SLC9A2: variants seen among roughly 807,000 people sequenced by gnomAD.
The protein encoded by SLC9A2 is solute carrier family 9 member A2.
A neutral mutation model predicts 71.7 loss-of-function variants in SLC9A2; 42 were observed. The observed-to-expected ratio is 0.59, with a 90% confidence interval of 0.46 to 0.76. The LOEUF (loss-of-function observed/expected upper bound fraction) is 0.76. Ranked by LOEUF, SLC9A2 falls within the 30% of genes least tolerant of loss-of-function variation. The pLI is 0.00. For synonymous variants in SLC9A2, 396 were observed against 392.5 expected (o/e 1.01, Z -0.10); for missense variants, 829 against 1,017.4 (o/e 0.81, Z 2.52).
intron 5 of SLC9A2, among the ~76,000 whole-genome samples, chr2:102,685,197 G>A (rs548090708): frequency 1.3e-5 from 2 of 152,320 alleles, no homozygotes; most frequent in South Asian, 4.1e-4. Flanking sequence ...AACATCCCAG[G>A]CAAATGGGCT....
In SLC9A2 at chr2:102,685,707, G is replaced by A. The variant is rs532534655; in HGVS notation, c.1425+1371G>A. On this transcript the variant is annotated intron_variant, in intron 5 of 11. Transcript: ENST00000233969. ...GGATGGACTTGCCCTCAAGTGAGAA[G>A]GGGAAGTCTGTGCATGGCAGAGGTG... is the stretch of plus-strand genomic sequence containing the variant. Among the ~76,000 whole-genome samples, 337 of 152,022 alleles carry A rather than the reference G, an allele frequency of 2.2e-3. 1 individual carries two copies. The highest frequency in any genetic ancestry group is 4.2e-3 in the Non-Finnish European group (288 of 67,974).
At chr2:102,633,112 A>T (rs1451404726) in intron 1 of SLC9A2, among the ~76,000 whole-genome samples, 1 of 152,180 alleles carries the variant, frequency 6.6e-6, no homozygotes, top group East Asian at 1.9e-4. Flanking sequence ...CAAGGACAGA[A>T]CATTATTCTC....
At chr2:102,622,786 T>G (rs775069019) in intron 1 of SLC9A2, among the ~76,000 whole-genome samples, 13 of 152,232 alleles carry the variant, frequency 8.5e-5, no homozygotes, top group Non-Finnish European at 1.3e-4. Flanking sequence ...GACAGTGGTA[T>G]AGTCAAAGTA....
intron 7 of SLC9A2, among the ~76,000 whole-genome samples, chr2:102,695,835 A>C (rs1307805577): frequency 2.6e-5 from 3 of 115,210 alleles, no homozygotes; most frequent in Non-Finnish European, 4.0e-5. Flanking sequence ...AAAAAGCTAA[A>C]ATTATCTGAA....
At chr2:102,639,908 A>G (rs1676541268) in intron 1 of SLC9A2, among the ~76,000 whole-genome samples, 1 of 152,246 alleles carries the variant, frequency 6.6e-6, no homozygotes, top group Non-Finnish European at 1.5e-5. Flanking sequence ...CGGTAGTAAT[A>G]AAAGCATAAA....
At chr2:102,624,725 G>A (rs1676211857) in intron 1 of SLC9A2, among the ~76,000 whole-genome samples, 1 of 152,076 alleles carries the variant, frequency 6.6e-6, no homozygotes, top group Non-Finnish European at 1.5e-5. Context: ...CTGCCCCTAA[G>A]TTGGAGTAAG....
At chr2:102,655,510 T>G (rs1037930422) in intron 1 of SLC9A2, among the ~76,000 whole-genome samples, 12 of 152,168 alleles carry the variant, frequency 7.9e-5, no homozygotes, top group African/African-American at 2.9e-4. Context: ...ATATTTAAAC[T>G]TTTTTGTTTA....
intron 7 of SLC9A2, among the ~76,000 whole-genome samples, chr2:102,700,107 A>C (rs1397583173): frequency 1.3e-5 from 2 of 152,178 alleles, no homozygotes; most frequent in Non-Finnish European, 2.9e-5. Context: ...TGACACCAGG[A>C]TTTTTGACCT....
At chr2:102,682,242 G>A (rs186986630) in intron 3 of SLC9A2, among the ~76,000 whole-genome samples, 5 of 152,290 alleles carry the variant, frequency 3.3e-5, no homozygotes, top group Admixed American at 2.6e-4. Flanking sequence ...CCTACCATGA[G>A]CTGTCACCAA....
intron 3 of SLC9A2, among the ~76,000 whole-genome samples, chr2:102,683,037 T>A (rs568285893): frequency 6.6e-6 from 1 of 152,334 alleles, no homozygotes; most frequent in African/African-American, 2.4e-5. Flanking sequence ...ACCAGAATGC[T>A]GGGCAGAGCC....
In SLC9A2 at chr2:102,708,474, G is replaced by T; in HGVS notation, c.2424G>T (p.Gly808=). The T allele has an allele frequency of 6.2e-7, 1 of 1,614,016 alleles. No individual in the cohort carries two copies. ...CTGGAAGCCGGAAAGCCCGATTTGGGAGTGAGAAGCCTTAAGAGAAGCAGC... is the reference window on the plus strand; with the variant it reads ...CTGGAAGCCGGAAAGCCCGATTTGGTAGTGAGAAGCCTTAAGAGAAGCAGC... ...SEPGSRKARF[G]SEKP The change falls in exon 12 of 12, where the codon GGG becomes GGT. Residue 808 remains glycine, a synonymous_variant. Transcript: ENST00000233969.
intron 1 of SLC9A2, among the ~76,000 whole-genome samples, chr2:102,621,090 A>C (rs1392830488): frequency 6.6e-6 from 1 of 152,130 alleles, no homozygotes; most frequent in African/African-American, 2.4e-5. Flanking sequence ...CAGGAGGCGG[A>C]GGTTGCATTG....
At chr2:102,697,353 G>A (rs2104551072) in intron 7 of SLC9A2, 1 of 152,024 alleles carries the variant, frequency 6.6e-6, no homozygotes, top group Middle Eastern at 3.4e-3. Context: ...CTTTCAGGCA[G>A]AGACATTATC....
At chr2:102,691,487 A>G (rs1677661009) in intron 5 of SLC9A2, among the ~76,000 whole-genome samples, 1 of 152,176 alleles carries the variant, frequency 6.6e-6, no homozygotes, top group Admixed American at 6.5e-5. Flanking sequence ...TGGGGGCTTA[A>G]TATGGCATAC....
intron 7 of SLC9A2, among the ~76,000 whole-genome samples, chr2:102,696,354 C>G (rs1478703643): frequency 2.0e-5 from 3 of 152,142 alleles, no homozygotes; most frequent in Admixed American, 2.0e-4. Context: ...GTAGATCCCT[C>G]TTGTTTTATT....
chr2:102,692,656 T>C (rs905160145), intron 5 of SLC9A2, among the ~76,000 whole-genome samples: 1 of 152,196 alleles, frequency 6.6e-6, no homozygotes, highest in Non-Finnish European at 1.5e-5. Context: ...GTAAGTTCCC[T>C]TTCAGTCTCC....
chr2:102,670,849 C>CTTTT lies in SLC9A2; in HGVS notation c.1004+5517_1004+5520dup, dbSNP rs10687841. 3.1e-3 allele frequency among the ~76,000 whole-genome samples: 233 copies of CTTTT among 75,824 alleles called. 4 individuals carry two copies. Among genetic ancestry groups the CTTTT allele is most frequent in the East Asian group, 5.1e-3 (10 of 1,960 alleles). The allele number at this position is 75,824 out of a possible 152,430, so 49.7% of individuals were successfully genotyped here. On this transcript the variant is annotated intron_variant, in intron 3 of 11. Transcript: ENST00000233969. ...TTTGAGAAAAAAATAGGAAGGCATGCTTTTTTTTTTTTTTTTTTTTTGCCT... is the reference window on the plus strand; with the variant it reads ...TTTGAGAAAAAAATAGGAAGGCATGCTTTTTTTTTTTTTTTTTTTTTTTTTGCCT...
chr2:102,672,689 T>C (rs1186121969), intron 3 of SLC9A2, among the ~76,000 whole-genome samples: 1 of 152,102 alleles, frequency 6.6e-6, no homozygotes, highest in East Asian at 1.9e-4. Context: ...CATTCGGGGG[T>C]TTTATATAAA....
At chr2:102,680,991 C>T (rs1470180473) in intron 3 of SLC9A2, among the ~76,000 whole-genome samples, 1 of 152,160 alleles carries the variant, frequency 6.6e-6, no homozygotes, top group Non-Finnish European at 1.5e-5. Context: ...GCTTTGTCAC[C>T]ACCTTGATGT....
Sources: gnomAD v4.1 joint callset for allele counts (sites outside exome capture counted in the v4.1 genomes callset) on GRCh38, gnomAD v4.1.1 for gene constraint, MANE v1.5 for transcripts, NCBI Gene and HGNC (gene_info 2026-07-23, HGNC 2026-07-21) for gene names.